DIAPH2: variants seen among roughly 807,000 people sequenced by gnomAD.
The protein encoded by DIAPH2 is protein diaphanous homolog 2.
In DIAPH2, 35 loss-of-function variants were observed where a neutral mutation model predicts 92.7. The ratio of observed to expected loss-of-function variants is 0.38; its 90% confidence interval spans 0.29 to 0.50. The LOEUF (loss-of-function observed/expected upper bound fraction) is 0.50. DIAPH2 is among the 20% of genes least tolerant of loss of function. The pLI is 0.94. For missense variants in DIAPH2, 701 were observed against 819.5 expected, an observed-to-expected ratio of 0.86 and a Z score of 1.77; for synonymous variants, 301 against 280.4, an observed-to-expected ratio of 1.07 and a Z score of -0.73.
In DIAPH2 at chrX:97,341,225, G is replaced by A. The variant is rs1390602699; in HGVS notation, c.2845-6891G>A. On this transcript the variant is annotated intron_variant, in intron 23 of 26. Coordinates refer to ENST00000324765, the MANE Select transcript of DIAPH2 (RefSeq NM_006729.5). ...GGACCACTAGGTTGCTTAAGCAGGGGTTACCTAGCCCAGGTCAGAAACAAA... is the reference window on the plus strand; with the variant it reads ...GGACCACTAGGTTGCTTAAGCAGGGATTACCTAGCCCAGGTCAGAAACAAA... The A allele has an allele frequency of 3.7e-5, 4 of 108,731 alleles. No individual in the cohort carries two copies. In the Admixed American group the frequency reaches 4.0e-4, roughly 11 times the overall value. 9.0% of individuals were successfully genotyped at this position (108,731 alleles called of 1,213,427 possible).
At chrX:97,570,094 A>C (rs1276340371) in intron 26 of DIAPH2, among the ~76,000 whole-genome samples, 1 of 29,013 alleles carries the variant, frequency 3.4e-5, no homozygotes, top group Non-Finnish European at 6.4e-5. Flanking sequence ...ATATATATAT[A>C]TATATATATA....
chrX:97,313,052 G>T (rs2068810308), intron 23 of DIAPH2, among the ~76,000 whole-genome samples: 1 of 110,509 alleles, frequency 9.0e-6, no homozygotes. Context: ...GGGCGTGGTG[G>T]CGGGTGCCTG....
chrX:97,160,038 G>A (rs1376759734), intron 22 of DIAPH2, among the ~76,000 whole-genome samples: 2 of 93,390 alleles, frequency 2.1e-5, no homozygotes, highest in African/African-American at 8.0e-5. Flanking sequence ...CTCAAGCCTT[G>A]AATTTGTTTC....
intron 22 of DIAPH2, among the ~76,000 whole-genome samples, chrX:97,208,870 T>G (rs1229196663): frequency 9.2e-6 from 1 of 108,512 alleles, no homozygotes; most frequent in Non-Finnish European, 1.9e-5. Flanking sequence ...CGGTGAGGGG[T>G]TTTTTTTTGG....
At chrX:97,155,075 T>TA (rs1440119821) in intron 22 of DIAPH2, among the ~76,000 whole-genome samples, 1 of 112,172 alleles carries the variant, frequency 8.9e-6, no homozygotes, top group Non-Finnish European at 1.9e-5. Flanking sequence ...TGGTAAAGGT[T>TA]AAAAAAATCA....
In DIAPH2 at chrX:97,178,352, T is replaced by C. The variant is rs190098834; in HGVS notation, c.2719+36558T>C. Among the ~76,000 whole-genome samples, 307 of 111,019 alleles carry C rather than the reference T, an allele frequency of 2.8e-3. 2 individuals carry two copies. The highest frequency in any genetic ancestry group is 9.7e-3 in the African/African-American group (298 of 30,585). On this transcript the variant is annotated intron_variant, in intron 22 of 26. Coordinates refer to ENST00000324765, the MANE Select transcript of DIAPH2 (RefSeq NM_006729.5). ...AAGATAATTGTTTTGATATTGATGG[T>C]TATTATTACTAATTTTTAAAGACTA...
intron 23 of DIAPH2, among the ~76,000 whole-genome samples, chrX:97,306,875 GA>G (rs1569357582): frequency 9.0e-6 from 1 of 111,712 alleles, no homozygotes; most frequent in Non-Finnish European, 1.9e-5. Context: ...ATAGAGATAA[GA>G]AAAAAAGACT....
At chrX:96,730,642 A>G (rs949320612) in intron 1 of DIAPH2, among the ~76,000 whole-genome samples, 1 of 112,054 alleles carries the variant, frequency 8.9e-6, no homozygotes, top group Admixed American at 9.5e-5. Context: ...GTATTACCAT[A>G]TCAGAACTCT....
chrX:97,127,134 C>T (rs1356103814), intron 21 of DIAPH2, among the ~76,000 whole-genome samples: 2 of 109,449 alleles, frequency 1.8e-5, no homozygotes, highest in Non-Finnish European at 3.8e-5. Context: ...TGTCTGTACC[C>T]CTCCCAATTC....
At chrX:97,399,718 T>TA (rs2069736772) in intron 25 of DIAPH2, among the ~76,000 whole-genome samples, 1 of 112,436 alleles carries the variant, frequency 8.9e-6, no homozygotes, top group Non-Finnish European at 1.9e-5. Context: ...TCTGTTTTCT[T>TA]ACATTTTTCT....
intron 17 of DIAPH2, among the ~76,000 whole-genome samples, chrX:97,030,392 C>G: frequency 9.0e-6 from 1 of 111,079 alleles, no homozygotes; most frequent in East Asian, 2.8e-4. Flanking sequence ...CAGCTATTTT[C>G]TTTTTTTTCT....
intron 10 of DIAPH2, among the ~76,000 whole-genome samples, chrX:96,931,238 T>G (rs1035288167): frequency 8.9e-6 from 1 of 111,785 alleles, no homozygotes; most frequent in African/African-American, 3.2e-5. Context: ...AGAGTTTTGA[T>G]TAGCATATGC....
intron 26 of DIAPH2, among the ~76,000 whole-genome samples, chrX:97,591,116 G>A (rs1023353348): frequency 1.8e-5 from 2 of 111,409 alleles, no homozygotes; most frequent in African/African-American, 3.3e-5. Context: ...AGCAATATTC[G>A]AGAACTAGAA....
intron 20 of DIAPH2, among the ~76,000 whole-genome samples, chrX:97,112,333 C>G (rs2066986078): frequency 9.0e-6 from 1 of 111,089 alleles, no homozygotes; most frequent in Non-Finnish European, 1.9e-5. Context: ...AGCTCTATAG[C>G]TTTTTTAGTC....
chrX:97,258,388 A>G (rs2068255956), intron 23 of DIAPH2, among the ~76,000 whole-genome samples: 1 of 111,208 alleles, frequency 9.0e-6, no homozygotes, highest in Non-Finnish European at 1.9e-5. Context: ...AGCCTGGACA[A>G]CATGGTGAAA....
intron 3 of DIAPH2, 61 bp from the exon 4 acceptor site, chrX:96,758,093 C>G (rs1411547753): frequency 1.9e-5 from 18 of 928,787 alleles, no homozygotes; most frequent in Non-Finnish European, 2.6e-5. Context: ...GTTTACTAAT[C>G]ACTTTTGAAG....
intron 5 of DIAPH2, 25 bp from the exon 6 acceptor site, chrX:96,912,303 A>G (rs2065473616): frequency 8.9e-7 from 1 of 1,125,232 alleles, no homozygotes. Flanking sequence ...TTACTTATAC[A>G]TCTAATTTTT....
intron 5 of DIAPH2, among the ~76,000 whole-genome samples, chrX:96,894,311 G>T (rs2065328162): frequency 9.3e-6 from 1 of 107,992 alleles, no homozygotes; most frequent in Admixed American, 9.9e-5. Flanking sequence ...GCTTCCAAAA[G>T]AATTTCCTGG....
At chrX:97,225,164 G>A (rs1485619753) in intron 22 of DIAPH2, among the ~76,000 whole-genome samples, 1 of 110,955 alleles carries the variant, frequency 9.0e-6, no homozygotes, top group Non-Finnish European at 1.9e-5. Flanking sequence ...GATGTTGACT[G>A]CTTGAAAAAT....
Sources: gnomAD v4.1 joint callset for allele counts (sites outside exome capture counted in the v4.1 genomes callset) on GRCh38, gnomAD v4.1.1 for gene constraint, MANE v1.5 for transcripts, NCBI Gene and HGNC (gene_info 2026-07-23, HGNC 2026-07-21) for gene names.